The following FMNL3 variants were observed in gnomAD, a reference collection of about 807,000 sequenced individuals.
FMNL3 encodes formin-like protein 3.
A neutral mutation model predicts 119.6 loss-of-function variants in FMNL3; 57 were observed. That is an observed-to-expected ratio of 0.48 (90% confidence interval 0.39 to 0.59). FMNL3 has a LOEUF of 0.59. Ranked by LOEUF, FMNL3 falls within the 20% of genes least tolerant of loss-of-function variation. The probability of loss-of-function intolerance (pLI) is 0.00; values close to 1 mark genes in which losing one functional copy is unlikely to be tolerated. For synonymous variants in FMNL3, 491 were observed against 507.3 expected (o/e 0.97, Z 0.43); for missense variants, 1,053 against 1,323.5 (o/e 0.80, Z 3.17).
chr12:49,656,917 G>C lies in FMNL3; in HGVS notation c.715-18C>G, dbSNP rs1489605711. 1 of 1,609,400 alleles carries C rather than the reference G, an allele frequency of 6.2e-7. No homozygotes were observed. The highest frequency in any genetic ancestry group is 8.5e-7 in the Non-Finnish European group (1 of 1,176,010). On this transcript the variant is annotated intron_variant, in intron 7 of 25. Transcript: ENST00000335154. ...AATCCGTACTGCAAGGGAAAGGACA[G>C]AAGGAGGGGACCTTGATGGTGGGGA...
chr12:49,651,359 C>A (rs1391787396), intron 15 of FMNL3, 23 bp downstream of exon 15: 11 of 1,585,096 alleles, frequency 6.9e-6, no homozygotes, highest in Non-Finnish European at 9.5e-6. Flanking sequence ...ACCAGCCCTG[C>A]CCAGAGCCCT....
Position 49,636,597 on chromosome 12 carries a change from C to T in FMNL3, c.*9218G>A. 2 of 1,436,058 alleles carry T rather than the reference C, an allele frequency of 1.4e-6. No individual in the cohort carries two copies. 89.0% of individuals were successfully genotyped at this position (1,436,058 alleles called of 1,614,324 possible). ...ACAGAGCCCCCTCCAGGCCCTTCCC[C>T]CACCACCCTGGGTATCCCTAGCACC... On this transcript the variant is annotated 3_prime_UTR_variant, in exon 26 of 26. Coordinates refer to ENST00000335154, the MANE Select transcript of FMNL3 (RefSeq NM_175736.5).
intron 5 of FMNL3, among the ~76,000 whole-genome samples, chr12:49,659,558 G>A (rs1028735610): frequency 6.6e-5 from 10 of 152,006 alleles, no homozygotes; most frequent in African/African-American, 2.2e-4. Flanking sequence ...CTACAGGTGC[G>A]TGCCACCATG....
At chr12:49,697,456 A>C (rs749650477) in intron 1 of FMNL3, among the ~76,000 whole-genome samples, 17 of 152,148 alleles carry the variant, frequency 1.1e-4, no homozygotes, top group Non-Finnish European at 2.4e-4. Context: ...TGCCAATCAC[A>C]TTTTGGGCAG....
chr12:49,686,435 A>G (rs1297468496), intron 1 of FMNL3, among the ~76,000 whole-genome samples: 1 of 151,288 alleles, frequency 6.6e-6, no homozygotes, highest in Non-Finnish European at 1.5e-5. Context: ...CAAAAAAATT[A>G]GGCGTGGTGG....
chr12:49,672,171 T>C (rs906585004), intron 1 of FMNL3, among the ~76,000 whole-genome samples: 3 of 152,076 alleles, frequency 2.0e-5, no homozygotes, highest in Non-Finnish European at 4.4e-5. Flanking sequence ...TCTGCCTCCA[T>C]CCCACCTTCA....
At chr12:49,670,504 G>A (rs1944016569) in intron 1 of FMNL3, among the ~76,000 whole-genome samples, 2 of 152,148 alleles carry the variant, frequency 1.3e-5, no homozygotes, top group South Asian at 4.1e-4. Context: ...GGCTGGAAAC[G>A]AGGTCACTAT....
At chr12:49,654,444 G>A (rs1341693532) in intron 10 of FMNL3, 142 bp from the exon 11 acceptor site, 3 of 604,142 alleles carry the variant, frequency 5.0e-6, no homozygotes, top group African/African-American at 3.7e-5. Flanking sequence ...CTTTATGGGG[G>A]CAATAAGAGT....
chr12:49,654,388 T>G (rs1565871402), intron 10 of FMNL3, 86 bp from the exon 11 acceptor site: 1 of 1,026,032 alleles, frequency 9.7e-7, no homozygotes, highest in Non-Finnish European at 1.5e-6. Context: ...TGTTAGAATA[T>G]CATCATCATG....
chr12:49,692,034 CAAAAAAAA>C (rs773991970), intron 1 of FMNL3, among the ~76,000 whole-genome samples: 2,395 of 23,034 alleles, frequency 0.1, 85 homozygotes, highest in African/African-American at 0.25. Context: ...GACTCCATCT[CAAAAAAAA>C]AAAAAAAAAA....
intron 1 of FMNL3, among the ~76,000 whole-genome samples, chr12:49,676,040 CT>C (rs1245874597): frequency 6.6e-6 from 1 of 152,178 alleles, no homozygotes; most frequent in African/African-American, 2.4e-5. Context: ...TACTACCTGA[CT>C]TAAAATCCAG....
In FMNL3 at chr12:49,656,279, C is replaced by G. The variant is rs1423527661; in HGVS notation, c.885+125G>C. ...AAATACTGGGAGTTCAGGAGAGAGG[C>G]TGCTTGGCCAAGCATTGGGATGTTA... On this transcript the variant is annotated intron_variant, in intron 9 of 25. Transcript: ENST00000335154. The G allele has an allele frequency of 9.0e-6, 6 of 668,738 alleles. No homozygotes were observed. The East Asian group carries it at 1.7e-4, about 19-fold the overall frequency. The allele number at this position is 668,738 out of a possible 1,614,324, so 41.4% of individuals were successfully genotyped here.
chr12:49,665,816 G>A lies in FMNL3; in HGVS notation c.368+16C>T, dbSNP rs763162131. The A allele has an allele frequency of 8.1e-6, 13 of 1,613,826 alleles. 1 individual carries two copies. The highest frequency in any genetic ancestry group is 5.5e-5 in the South Asian group (5 of 91,084). ...CTGGGGCCAGATGAAGAGGCTATAC[G>A]GCCAATCCAACTCACCCAATGTGGT... On this transcript the variant is annotated intron_variant, in intron 4 of 25. Transcript: ENST00000335154.
At chr12:49,681,613 A>G (rs914218775) in intron 1 of FMNL3, among the ~76,000 whole-genome samples, 8 of 152,246 alleles carry the variant, frequency 5.3e-5, no homozygotes, top group African/African-American at 1.7e-4. Context: ...GCTGGAGTGC[A>G]GCGGTGCGAT....
At chr12:49,658,892 A>C (rs552471446) in intron 5 of FMNL3, among the ~76,000 whole-genome samples, 1 of 152,286 alleles carries the variant, frequency 6.6e-6, no homozygotes, top group African/African-American at 2.4e-5. Flanking sequence ...TTCCAGAAGG[A>C]GTGTCCTCCC....
In FMNL3 at chr12:49,646,934, G is replaced by T. The variant is rs764731297; in HGVS notation, c.2947C>A (p.Arg983=). 6.2e-7 allele frequency: 1 copy of T among 1,614,074 alleles called. No homozygotes were observed. Among genetic ancestry groups the T allele is most frequent in the Non-Finnish European group, 8.5e-7 (1 of 1,179,970 alleles). ...CCATCCTTCCCCTCATAAACAGGCC[G>T]GTGTTCCTTGGCCTGGCGCCGCCTC... is the stretch of plus-strand genomic sequence containing the variant. ...ELRRRQAKEH[R]PVYEGKDGTI... The change falls in exon 25 of 26, where the codon CGG becomes AGG. Residue 983 remains arginine (R), a synonymous_variant. Coordinates refer to ENST00000335154, the MANE Select transcript of FMNL3 (RefSeq NM_175736.5).
intron 2 of FMNL3, among the ~76,000 whole-genome samples, chr12:49,666,602 G>T (rs1383422892): frequency 6.6e-6 from 1 of 152,096 alleles, no homozygotes; most frequent in East Asian, 1.9e-4. Flanking sequence ...GAATAGTCTG[G>T]ATAACATAGG....
rs147844427 is a variant in FMNL3 at position 49,693,981 on chromosome 12, C to T, written c.126+13074G>A. Among the ~76,000 whole-genome samples, 574 of 151,728 alleles carry T rather than the reference C, an allele frequency of 3.8e-3. 2 individuals are homozygous for T. The highest frequency in any genetic ancestry group is 0.013 in the African/African-American group (549 of 41,364). ...AAAGACAGGGTCTCATTCAGAGGCC[C>T]GGACCGGAGTGCAGTGGCACAATCA... On this transcript the variant is annotated intron_variant, in intron 1 of 25. Coordinates refer to ENST00000335154, the MANE Select transcript of FMNL3 (RefSeq NM_175736.5).
Position 49,637,954 on chromosome 12 carries a change from T to C in FMNL3, c.*7861A>G, listed in dbSNP as rs796852530. ...TTCAGCAGATATCTACTGTGATCCTTTACTGCACACTAGGGATACAGTAAT... is the reference window on the plus strand; with the variant it reads ...TTCAGCAGATATCTACTGTGATCCTCTACTGCACACTAGGGATACAGTAAT... On this transcript the variant is annotated 3_prime_UTR_variant, in exon 26 of 26. Transcript: ENST00000335154. 1.9e-5 allele frequency: 13 copies of C among 697,772 alleles called. No homozygotes were observed. In the African/African-American group the frequency reaches 2.1e-4, roughly 11 times the overall value. The allele number at this position is 697,772 out of a possible 1,614,324, so 43.2% of individuals were successfully genotyped here. A position where few individuals can be genotyped will look rare whatever the true frequency, so the allele number is the denominator to read the frequency against.
Sources: allele counts gnomAD v4.1 joint callset (sites outside exome capture counted in the v4.1 genomes callset), GRCh38; gene constraint gnomAD v4.1.1; transcripts MANE v1.5; gene names NCBI Gene and HGNC (gene_info 2026-07-23, HGNC 2026-07-21).